Variants in NTM observed in about 807,000 individuals in gnomAD.
The protein encoded by NTM is neurotrimin.
A neutral mutation model predicts 42.1 loss-of-function variants in NTM; 13 were observed. That is an observed-to-expected ratio of 0.31 (90% CI 0.20 to 0.49). The LOEUF (loss-of-function observed/expected upper bound fraction) is 0.49. Among genes scored for constraint, NTM ranks in the 20% least tolerant of loss-of-function variants. The pLI, the probability that NTM is intolerant of heterozygous loss-of-function variation, is 0.99. For missense variants in NTM, 373 were observed against 452.8 expected (o/e 0.82, Z 1.60); for synonymous variants, 187 against 179.2 (o/e 1.04, Z -0.35).
intron 1 of NTM, among the ~76,000 whole-genome samples, chr11:131,614,976 C>G (rs1374158520): frequency 6.6e-6 from 1 of 152,224 alleles, no homozygotes; most frequent in Non-Finnish European, 1.5e-5. Flanking sequence ...CGCCTCCTCC[C>G]ACCCTTGACC....
At chr11:131,539,149 T>C (rs914978768) in intron 1 of NTM, 1 of 152,104 alleles carries the variant, frequency 6.6e-6, no homozygotes, top group Non-Finnish European at 1.5e-5. Context: ...ACAATGTTGC[T>C]CAGGTTGGTC....
chr11:131,946,765 A>T (rs1239375810), intron 2 of NTM, among the ~76,000 whole-genome samples: 1 of 152,218 alleles, frequency 6.6e-6, no homozygotes, highest in Non-Finnish European at 1.5e-5. Context: ...TGTATAAATT[A>T]ACCTTGTTTC....
intron 4 of NTM, among the ~76,000 whole-genome samples, chr11:132,259,159 T>C (rs2092690233): frequency 6.6e-6 from 1 of 152,154 alleles, no homozygotes; most frequent in Admixed American, 6.5e-5. Context: ...TCCCCACAAA[T>C]ATATGACTTT....
chr11:131,797,662 T>G (rs1295497145), intron 1 of NTM, among the ~76,000 whole-genome samples: 2 of 152,250 alleles, frequency 1.3e-5, no homozygotes, highest in Admixed American at 6.5e-5. Flanking sequence ...TAATGCAGTT[T>G]AGAACAATTA....
At chr11:132,010,527 T>A (rs1003721633) in intron 2 of NTM, among the ~76,000 whole-genome samples, 1 of 152,156 alleles carries the variant, frequency 6.6e-6, no homozygotes, top group African/African-American at 2.4e-5. Flanking sequence ...CTCCTCTCCT[T>A]GAGCAAACCT....
chr11:132,319,301 G>A lies in NTM; in HGVS notation c.934+4598G>A, dbSNP rs1367058753. On this transcript the variant is annotated intron_variant, in intron 7 of 8. Coordinates refer to ENST00000683400, the MANE Select transcript of NTM (RefSeq NM_001352005.2). ...ACAGTGGGTGCAGCTCACCGTGTGCGAGCCGAAGCATGGCAAGGCATCGCC... is the reference window on the plus strand; with the variant it reads ...ACAGTGGGTGCAGCTCACCGTGTGCAAGCCGAAGCATGGCAAGGCATCGCC... 5.3e-5 allele frequency among the ~76,000 whole-genome samples: 8 copies of A among 152,306 alleles called. 1 individual carries two copies. Among genetic ancestry groups the A allele is most frequent in the Middle Eastern group, 6.8e-3 (2 of 294 alleles).
intron 4 of NTM, among the ~76,000 whole-genome samples, chr11:132,229,252 GT>G (rs1236490077): frequency 6.6e-6 from 1 of 152,132 alleles, no homozygotes; most frequent in Non-Finnish European, 1.5e-5. Flanking sequence ...TGTTCTTGCT[GT>G]TCTTTTGCAG....
chr11:131,926,581 G>A (rs2057988187), intron 2 of NTM, among the ~76,000 whole-genome samples: 1 of 152,170 alleles, frequency 6.6e-6, no homozygotes, highest in Non-Finnish European at 1.5e-5. Context: ...AAGGGATCTG[G>A]GGGGTCCTCG....
intron 1 of NTM, chr11:131,910,925 A>G: frequency 1.0e-6 from 1 of 986,236 alleles, no homozygotes; most frequent in Non-Finnish European, 1.2e-6. Flanking sequence ...TCCGCGCGCC[A>G]CCCCTGCGCC....
chr11:132,006,150 G>C (rs11222861), intron 2 of NTM, among the ~76,000 whole-genome samples: 1 of 152,060 alleles, frequency 6.6e-6, no homozygotes, highest in Non-Finnish European at 1.5e-5. Context: ...CTTGGTGTTC[G>C]CATTCAAGGA....
In NTM at chr11:131,599,272, C is replaced by T. The variant is rs1271175037; in HGVS notation, c.82+228384C>T. 2.0e-5 allele frequency among the ~76,000 whole-genome samples: 3 copies of T among 149,832 alleles called. 1 individual carries two copies. The highest frequency in any genetic ancestry group is 4.4e-5 in the Non-Finnish European group (3 of 67,954). ...TGCCATGCCCTGTCTACCCAGTCTC[C>T]AGCAGATGCCCTGTCTACCCAGTCT... On this transcript the variant is annotated intron_variant, in intron 1 of 8. Coordinates refer to ENST00000683400, the MANE Select transcript of NTM (RefSeq NM_001352005.2).
chr11:132,005,300 G>A (rs993071407), intron 2 of NTM, among the ~76,000 whole-genome samples: 1 of 152,146 alleles, frequency 6.6e-6, no homozygotes, highest in Non-Finnish European at 1.5e-5. Flanking sequence ...ATCTTCTCTT[G>A]GGTGATGAAT....
intron 3 of NTM, among the ~76,000 whole-genome samples, chr11:132,178,400 A>C (rs2077114504): frequency 6.6e-6 from 1 of 152,244 alleles, no homozygotes; most frequent in Non-Finnish European, 1.5e-5. Flanking sequence ...CAGGAGGCTT[A>C]AAAAGAAATT....
intron 1 of NTM, among the ~76,000 whole-genome samples, chr11:131,812,636 C>A (rs1434503207): frequency 6.6e-6 from 1 of 151,972 alleles, no homozygotes; most frequent in Non-Finnish European, 1.5e-5. Flanking sequence ...CTACAAATGC[C>A]TGAGAGGAGC....
At chr11:132,231,912 C>T (rs1008766937) in intron 4 of NTM, among the ~76,000 whole-genome samples, 2 of 86,874 alleles carry the variant, frequency 2.3e-5, no homozygotes, top group Admixed American at 1.2e-4. Flanking sequence ...AATGAAAGTT[C>T]TCCCCCTGCC....
intron 1 of NTM, among the ~76,000 whole-genome samples, chr11:131,521,866 T>C (rs1044584995): frequency 3.9e-5 from 6 of 152,142 alleles, no homozygotes; most frequent in African/African-American, 1.4e-4. Flanking sequence ...CCTGTTTCCA[T>C]TCCTCTCTAC....
intron 1 of NTM, among the ~76,000 whole-genome samples, chr11:131,500,569 ATATATATATTTTTTT>A (rs1322599623): frequency 9.3e-4 from 54 of 58,068 alleles, no homozygotes; most frequent in African/African-American, 1.5e-3. Context: ...ATATATATAT[ATATATATATTTTTTT>A]TTTTTTTTTT....
intron 1 of NTM, among the ~76,000 whole-genome samples, chr11:131,571,028 C>T (rs1235757288): frequency 6.6e-6 from 1 of 152,196 alleles, no homozygotes; most frequent in Non-Finnish European, 1.5e-5. Context: ...CAATGGCTTT[C>T]CAGCCAGTTG....
chr11:131,544,207 AAAAC>A (rs549966248), intron 1 of NTM, among the ~76,000 whole-genome samples: 11 of 152,240 alleles, frequency 7.2e-5, no homozygotes, highest in Admixed American at 2.6e-4. Context: ...CACTTGGAAT[AAAAC>A]AAATTTTTCT....
Sources: allele counts gnomAD v4.1 joint callset (sites outside exome capture counted in the v4.1 genomes callset), GRCh38; gene constraint gnomAD v4.1.1; transcripts MANE v1.5; gene names NCBI Gene and HGNC (gene_info 2026-07-23, HGNC 2026-07-21).